Variants in IDE observed in about 807,000 individuals in gnomAD.
IDE encodes the protein insulin-degrading enzyme.
IDE carries 58 observed loss-of-function variants against 133.2 expected under a neutral mutation model. That is an observed-to-expected ratio of 0.44 (90% CI 0.35 to 0.54). The LOEUF is 0.54. Ranked by LOEUF, IDE falls within the 20% of genes least tolerant of loss-of-function variation. The probability of loss-of-function intolerance (pLI) is 0.00; values close to 1 mark genes in which losing one functional copy is unlikely to be tolerated. For synonymous variants in IDE, 396 were observed against 421.3 expected (o/e 0.94, Z 0.73); for missense variants, 981 against 1,234.0 (o/e 0.79, Z 3.07).
Position 92,479,380 on chromosome 10 carries a change from T to A in IDE, c.1781A>T (p.Tyr594Phe). Residue 594 changes from tyrosine (Y) to phenylalanine (F), a missense_variant, in exon 15 of 25, where the codon TAT becomes TTT. This residue lies in a region of IDE where 660 missense variants were observed against 894.7 expected (regional missense o/e 0.74). Coordinates refer to ENST00000265986, the MANE Select transcript of IDE (RefSeq NM_004969.4). ...YVDPLHCNMA[Y>F]LYLELLKDSL... ...GTCTTTGAGGAGCTCAAGGTACAAA[T>A]AGGCCATGTTACAGTGCAAGGGGTC... is the stretch of plus-strand genomic sequence containing the variant. 1 of 1,613,406 alleles carries A rather than the reference T, an allele frequency of 6.2e-7. No homozygotes were observed. The highest frequency in any genetic ancestry group is 1.1e-5 in the South Asian group (1 of 91,060).
intron 1 of IDE, among the ~76,000 whole-genome samples, chr10:92,561,526 C>T (rs909063979): frequency 1.1e-4 from 17 of 149,524 alleles, no homozygotes; most frequent in Middle Eastern, 3.5e-3. Flanking sequence ...CCGAGGCGGG[C>T]GGATCACCTG....
chr10:92,458,340 T>A (rs529541136), intron 22 of IDE, among the ~76,000 whole-genome samples: 19 of 152,140 alleles, frequency 1.2e-4, no homozygotes, highest in Non-Finnish European at 2.1e-4. Context: ...ACACTCTGAT[T>A]CTCTAAGAAT....
chr10:92,537,261 A>T, intron 2 of IDE, 105 bp downstream of exon 2: 1 of 796,632 alleles, frequency 1.3e-6, no homozygotes. Context: ...AGGTACATGG[A>T]ACCGGTAACT....
rs1589444945 is a variant in IDE, at chr10:92,510,181, G to C, written c.785-19C>G. ...AAAGATTCTACAAGAAAACAGACAA[G>C]GAAAACAGAACTTAAGCGAATCATA... is the stretch of plus-strand genomic sequence containing the variant. On this transcript the variant is annotated intron_variant, in intron 5 of 24. Coordinates refer to ENST00000265986, the MANE Select transcript of IDE (RefSeq NM_004969.4). The C allele has an allele frequency of 1.6e-6, 2 of 1,281,628 alleles. No homozygotes were observed. Among genetic ancestry groups the C allele is most frequent in the Non-Finnish European group, 2.3e-6 (2 of 888,082 alleles). 79.4% of individuals were successfully genotyped at this position (1,281,628 alleles called of 1,614,324 possible).
intron 15 of IDE, 39 bp downstream of exon 15, chr10:92,479,238 A>C: frequency 6.8e-7 from 1 of 1,480,310 alleles, no homozygotes; most frequent in Non-Finnish European, 9.2e-7. Flanking sequence ...AATATAAAAA[A>C]TGTTGATGAG....
intron 22 of IDE, among the ~76,000 whole-genome samples, chr10:92,459,709 A>AT (rs1438773581): frequency 1.3e-5 from 2 of 152,036 alleles, no homozygotes; most frequent in African/African-American, 4.8e-5. Flanking sequence ...TGCAGCACAA[A>AT]TTTTGAGTTT....
At chr10:92,478,755 T>A (rs1386563395) in intron 15 of IDE, 1 of 1,266,222 alleles carries the variant, frequency 7.9e-7, no homozygotes, top group Admixed American at 2.5e-5. Flanking sequence ...AGGTATGTCA[T>A]GTTGCAATGG....
At chr10:92,509,396 C>T (rs1243048948) in intron 6 of IDE, among the ~76,000 whole-genome samples, 1 of 152,060 alleles carries the variant, frequency 6.6e-6, no homozygotes, top group African/African-American at 2.4e-5. Context: ...AGTTCGACCT[C>T]AGCCTGGCCA....
chr10:92,539,652 T>C (rs1842199210), intron 1 of IDE, among the ~76,000 whole-genome samples: 1 of 151,848 alleles, frequency 6.6e-6, no homozygotes, highest in Non-Finnish European at 1.5e-5. Flanking sequence ...TAGTCCCAGC[T>C]ACCTGGGAGG....
intron 13 of IDE, among the ~76,000 whole-genome samples, chr10:92,486,090 T>C (rs1396986122): frequency 6.6e-6 from 1 of 152,220 alleles, no homozygotes; most frequent in African/African-American, 2.4e-5. Flanking sequence ...GGCTCATGCC[T>C]CTAATCCCAG....
intron 1 of IDE, among the ~76,000 whole-genome samples, chr10:92,544,924 G>T (rs1842474907): frequency 6.6e-6 from 1 of 152,164 alleles, no homozygotes; most frequent in Non-Finnish European, 1.5e-5. Flanking sequence ...CAGTAGACAT[G>T]AATGGGTTTA....
chr10:92,501,158 G>A (rs1248076993), intron 11 of IDE, among the ~76,000 whole-genome samples: 1 of 150,998 alleles, frequency 6.6e-6, no homozygotes, highest in Non-Finnish European at 1.5e-5. Context: ...TCAGGAGTTC[G>A]AGACTAATCT....
At chr10:92,509,028 C>CCTT in intron 6 of IDE, 138 bp from the exon 7 acceptor site, 1 of 646,660 alleles carries the variant, frequency 1.5e-6, no homozygotes, top group Non-Finnish European at 2.7e-6. Flanking sequence ...GATACACTGA[C>CCTT]CACAAAGAAA....
intron 11 of IDE, among the ~76,000 whole-genome samples, chr10:92,501,239 G>T (rs1361090350): frequency 6.6e-6 from 1 of 150,576 alleles, no homozygotes; most frequent in East Asian, 2.0e-4. Context: ...GCACATGCCT[G>T]TAATCCCACC....
Position 92,514,985 on chromosome 10 carries a change from T to G in IDE, c.719A>C (p.Glu240Ala), listed in dbSNP as rs772207605. The G allele has an allele frequency of 6.2e-6, 10 of 1,610,746 alleles. No homozygotes were observed. Among genetic ancestry groups the G allele is most frequent in the Non-Finnish European group, 6.8e-6 (8 of 1,177,058 alleles). The change falls in exon 5 of 25, where the codon GAG (glutamate) becomes GCG (alanine). Residue 240 changes from glutamate (E) to alanine (A), a missense_variant. Glu to Ala is a moderately radical substitution (Grantham distance 107). Transcript: ENST00000265986. ...GTAAGCAGAATGGAATTTCAGTAGC[T>G]CTTGTCTTACATCAATGCCTTCTTG... ...PNQEGIDVRQ[E>A]LLKFHSAYYS... is the part of the protein sequence containing the mutation.
chr10:92,574,082 C>T lies in IDE; in HGVS notation c.-63G>A, dbSNP rs887545104. On this transcript the variant is annotated 5_prime_UTR_variant, in exon 1 of 25. Transcript: ENST00000265986. ...CTGCTTGCGCTTCGAGCCGGCCCTG[C>T]GCACTGCGCATGCTCTAGCCGCGGC... The T allele has an allele frequency of 1.5e-6, 2 of 1,313,440 alleles. No homozygotes were observed. Among genetic ancestry groups the T allele is most frequent in the Non-Finnish European group, 2.1e-6 (2 of 972,542 alleles). The allele number at this position is 1,313,440 out of a possible 1,614,324, so 81.4% of individuals were successfully genotyped here. A position where few individuals can be genotyped will look rare whatever the true frequency, so the allele number is the denominator to read the frequency against.
rs11296200 is a variant in IDE, at chr10:92,507,108, C to CA, written c.1245+466dup. ...AAAGACAAACACCATTTGTTTTACGCAAAAAAAAAAGCCAGCCTCTTCCCA... is the reference window on the plus strand; with the variant it reads ...AAAGACAAACACCATTTGTTTTACGCAAAAAAAAAAAGCCAGCCTCTTCCCA... On this transcript the variant is annotated intron_variant, in intron 9 of 24. Transcript: ENST00000265986. Among the ~76,000 whole-genome samples, 101 of 147,478 alleles carry CA rather than the reference C, an allele frequency of 6.8e-4. 2 individuals carry two copies. The highest frequency in any genetic ancestry group is 2.2e-3 in the African/African-American group (88 of 39,884).
chr10:92,461,799 G>T (rs1386045015), intron 21 of IDE, among the ~76,000 whole-genome samples: 1 of 151,962 alleles, frequency 6.6e-6, no homozygotes, highest in African/African-American at 2.4e-5. Flanking sequence ...CAAGTAGCTG[G>T]GACTACAGGC....
At chr10:92,542,133 C>T (rs561819169) in intron 1 of IDE, among the ~76,000 whole-genome samples, 7 of 152,274 alleles carry the variant, frequency 4.6e-5, no homozygotes, top group South Asian at 4.1e-4. Context: ...GGAACCTAGA[C>T]TAGTGATGAA....
Sources: gnomAD v4.1 joint callset for allele counts (sites outside exome capture counted in the v4.1 genomes callset) on GRCh38, gnomAD v4.1.1 for gene constraint, gnomAD v4.1.1 regional missense constraint, MANE v1.5 for transcripts, NCBI Gene and HGNC (gene_info 2026-07-23, HGNC 2026-07-21) for gene names.